Variants in MBD5 observed in about 807,000 individuals in gnomAD.
MBD5 encodes the protein methyl-CpG binding domain protein 5.
Under a neutral mutation model 117.3 loss-of-function variants are expected in MBD5, and 13 were observed. That is an observed-to-expected ratio of 0.11 (90% CI 0.07 to 0.18). The LOEUF (loss-of-function observed/expected upper bound fraction) is 0.18. Among genes scored for constraint, MBD5 ranks in the 10% least tolerant of loss-of-function variants. MBD5 has a pLI of 1.00. For missense variants in MBD5, 1,879 were observed against 2,093.8 expected (o/e 0.90, Z 2.00); for synonymous variants, 727 against 766.4 (o/e 0.95, Z 0.85).
chr2:148,367,957 C>T (rs1559042332), intron 4 of MBD5, among the ~76,000 whole-genome samples: 1 of 152,044 alleles, frequency 6.6e-6, no homozygotes, highest in Non-Finnish European at 1.5e-5. Flanking sequence ...ACCACTTGAC[C>T]CAGCAATCCC....
chr2:148,262,651 C>T (rs1050154112), intron 3 of MBD5, among the ~76,000 whole-genome samples: 3 of 152,212 alleles, frequency 2.0e-5, no homozygotes, highest in African/African-American at 4.8e-5. Context: ...ATACCAAGGT[C>T]GTATATGAAA....
At position 148,402,502 on chromosome 2, in the gene MBD5, C is replaced by T. The variant is rs538286889; in HGVS notation, c.-556-55701C>T. 1.7e-4 allele frequency among the ~76,000 whole-genome samples: 26 copies of T among 152,180 alleles called. No individual in the cohort carries two copies. In the East Asian group the frequency reaches 4.6e-3, roughly 27 times the overall value. ...ACCACCAAAAGTTTTCTTGTATTTC[C>T]TTCTAATTCCTCCCTCCTACTTCTC... On this transcript the variant is annotated intron_variant, in intron 4 of 13. Transcript: ENST00000642680.
At chr2:148,327,926 A>G (rs1270454635) in intron 3 of MBD5, among the ~76,000 whole-genome samples, 4 of 152,050 alleles carry the variant, frequency 2.6e-5, no homozygotes, top group Admixed American at 2.0e-4. Context: ...TCTGCTTTTT[A>G]GAGTTTCCAG....
At chr2:148,250,092 C>T (rs1184878023) in intron 3 of MBD5, among the ~76,000 whole-genome samples, 2 of 152,146 alleles carry the variant, frequency 1.3e-5, no homozygotes, top group African/African-American at 4.8e-5. Context: ...AATATGTTCT[C>T]ATTTGGCTAC....
chr2:148,510,556 TA>T (rs893301307), intron 13 of MBD5, among the ~76,000 whole-genome samples: 6 of 152,254 alleles, frequency 3.9e-5, no homozygotes, highest in African/African-American at 1.4e-4. Context: ...ATCCCATTTT[TA>T]TTGAACTGTG....
intron 4 of MBD5, among the ~76,000 whole-genome samples, chr2:148,420,697 A>ATGTTTTGTTTTGTTTTGTTT (rs3076613): frequency 2.0e-5 from 3 of 147,372 alleles, no homozygotes; most frequent in Non-Finnish European, 4.5e-5. Flanking sequence ...CTGATAAGTC[A>ATGTTTTGTTTTGTTTTGTTT]TGTTTTGTTT....
chr2:148,363,633 G>A (rs1284937639), intron 4 of MBD5, among the ~76,000 whole-genome samples: 2 of 152,056 alleles, frequency 1.3e-5, no homozygotes, highest in African/African-American at 4.8e-5. Context: ...CAGGCAAACA[G>A]GGTCTGGAGT....
intron 3 of MBD5, chr2:148,244,302 A>G (rs1248467777): frequency 6.6e-6 from 1 of 152,046 alleles, no homozygotes; most frequent in Non-Finnish European, 1.5e-5. Flanking sequence ...TGGCTATAAG[A>G]GTTTAGTTGA....
intron 3 of MBD5, among the ~76,000 whole-genome samples, chr2:148,280,056 C>T (rs1226497057): frequency 7.3e-6 from 1 of 137,740 alleles, no homozygotes; most frequent in African/African-American, 2.8e-5. Context: ...TTGGTTGCTT[C>T]TGCTTTTTTC....
intron 4 of MBD5, among the ~76,000 whole-genome samples, chr2:148,363,001 C>T (rs1438149432): frequency 6.6e-6 from 1 of 152,076 alleles, no homozygotes; most frequent in Non-Finnish European, 1.5e-5. Context: ...ACACAAAGAC[C>T]AAAGGTAGAT....
At chr2:148,236,908 G>C (rs1400416855) in intron 3 of MBD5, among the ~76,000 whole-genome samples, 2 of 152,156 alleles carry the variant, frequency 1.3e-5, no homozygotes, top group Admixed American at 1.3e-4. Context: ...TTTAGCTAGA[G>C]CTTCTAGATC....
chr2:148,043,826 A>T (rs1694443308), intron 1 of MBD5, among the ~76,000 whole-genome samples: 1 of 152,252 alleles, frequency 6.6e-6, no homozygotes, highest in South Asian at 2.1e-4. Flanking sequence ...CAAAATAAGT[A>T]AATTTAACTT....
chr2:148,307,573 C>T (rs1318776708), intron 3 of MBD5, among the ~76,000 whole-genome samples: 4 of 152,160 alleles, frequency 2.6e-5, no homozygotes, highest in Non-Finnish European at 5.9e-5. Context: ...ACTTTTCTTA[C>T]ACATTTTGCA....
chr2:148,086,189 TTG>T (rs35844154), intron 1 of MBD5, among the ~76,000 whole-genome samples: 3 of 149,882 alleles, frequency 2.0e-5, no homozygotes, highest in Admixed American at 6.6e-5. Context: ...TAAAATGTGT[TTG>T]TGTGTGTGTG....
chr2:148,301,913 A>T (rs567742478), intron 3 of MBD5, among the ~76,000 whole-genome samples: 9 of 152,094 alleles, frequency 5.9e-5, no homozygotes, highest in African/African-American at 2.2e-4. Flanking sequence ...AGGTGTTTCT[A>T]TCTATTGGGA....
chr2:148,167,051 G>T (rs1300492024), intron 1 of MBD5, among the ~76,000 whole-genome samples: 1 of 151,980 alleles, frequency 6.6e-6, no homozygotes, highest in Non-Finnish European at 1.5e-5. Flanking sequence ...CATAAATACT[G>T]GACAGAGCTT....
At chr2:148,293,718 G>T (rs1291266107) in intron 3 of MBD5, among the ~76,000 whole-genome samples, 1 of 152,112 alleles carries the variant, frequency 6.6e-6, no homozygotes, top group African/African-American at 2.4e-5. Flanking sequence ...GGGAAAACAT[G>T]CATTCATTCA....
intron 7 of MBD5, among the ~76,000 whole-genome samples, chr2:148,464,802 T>TAAAAAAAAA (rs10693462): frequency 6.8e-6 from 1 of 146,184 alleles, no homozygotes; most frequent in Non-Finnish European, 1.5e-5. Flanking sequence ...TAAAATAATT[T>TAAAAAAAAA]AAAAAAAAAA....
rs1682274420 is a variant in MBD5 at position 148,513,391 on chromosome 2, T to C, written c.*450T>C. On this transcript the variant is annotated 3_prime_UTR_variant, in exon 14 of 14. Transcript: ENST00000642680. ...AGAAATAGTGTACAAAATTCTTTGG[T>C]TTCTATGGAGTACACCTACCAGAGA... The C allele has an allele frequency of 1.2e-5, 2 of 171,970 alleles. No homozygotes were observed. The highest frequency in any genetic ancestry group is 5.5e-5 in the Admixed American group (1 of 18,024). 10.7% of individuals were successfully genotyped at this position (171,970 alleles called of 1,614,324 possible).
Sources: allele counts gnomAD v4.1 joint callset (sites outside exome capture counted in the v4.1 genomes callset), GRCh38; gene constraint gnomAD v4.1.1; transcripts MANE v1.5; gene names NCBI Gene and HGNC (gene_info 2026-07-23, HGNC 2026-07-21).